The following DLG2 variants were observed in gnomAD, a reference collection of about 807,000 sequenced individuals.
The protein encoded by DLG2 is discs large MAGUK scaffold protein 2, also known as disks large homolog 2.
In DLG2, 45 loss-of-function variants were observed where a neutral mutation model predicts 132.5. That is an observed-to-expected ratio of 0.34 (90% CI 0.27 to 0.44). The LOEUF (loss-of-function observed/expected upper bound fraction) is 0.44, where lower values mean the gene tolerates loss of function less well. Among genes scored for constraint, DLG2 ranks in the 20% least tolerant of loss-of-function variants. DLG2 has a pLI of 1.00. For synonymous variants in DLG2, 424 were observed against 419.6 expected, an observed-to-expected ratio of 1.01 and a Z score of -0.13; for missense variants, 1,045 against 1,196.9, an observed-to-expected ratio of 0.87 and a Z score of 1.87.
intron 6 of DLG2, among the ~76,000 whole-genome samples, chr11:84,596,161 C>G (rs931305078): frequency 2.0e-5 from 3 of 151,852 alleles, no homozygotes; most frequent in Non-Finnish European, 4.4e-5. Context: ...CAGACTTACT[C>G]TGTTGAAATT....
chr11:84,377,171 AGGC>A lies in DLG2; in HGVS notation c.520-125883_520-125881del, dbSNP rs1327103556. On this transcript the variant is annotated intron_variant, in intron 7 of 27. Transcript: ENST00000376104. ...AAGAAGTTGAATCCAAATATAATCC[AGGC>A]TTTATACTTATTTTTTAGTTTATAG... is the stretch of plus-strand genomic sequence containing the variant. 3.9e-5 allele frequency among the ~76,000 whole-genome samples: 6 copies of A among 152,230 alleles called. No homozygotes were observed. In the South Asian group the frequency reaches 8.3e-4, roughly 21 times the overall value.
chr11:84,228,426 C>G (rs1338879331), intron 8 of DLG2, among the ~76,000 whole-genome samples: 2 of 152,180 alleles, frequency 1.3e-5, no homozygotes, highest in African/African-American at 2.4e-5. Context: ...GGGAACAAGA[C>G]TTTAATCAGA....
chr11:85,420,408 G>C (rs1461851631), intron 3 of DLG2, among the ~76,000 whole-genome samples: 7 of 152,236 alleles, frequency 4.6e-5, no homozygotes, highest in Admixed American at 2.0e-4. Context: ...GGAATCTTGG[G>C]GGTCAGGGAC....
intron 9 of DLG2, among the ~76,000 whole-genome samples, chr11:84,159,486 A>T (rs2095499539): frequency 6.6e-6 from 1 of 152,162 alleles, no homozygotes; most frequent in African/African-American, 2.4e-5. Flanking sequence ...TAACATACAT[A>T]TAGGGCTTGA....
At chr11:83,910,694 T>C (rs1306784302) in intron 15 of DLG2, among the ~76,000 whole-genome samples, 1 of 152,088 alleles carries the variant, frequency 6.6e-6, no homozygotes, top group Non-Finnish European at 1.5e-5. Context: ...CTTTAAAAAC[T>C]TAAAAGATTA....
At chr11:84,218,052 C>G (rs1350105797) in intron 8 of DLG2, among the ~76,000 whole-genome samples, 1 of 152,086 alleles carries the variant, frequency 6.6e-6, no homozygotes, top group Non-Finnish European at 1.5e-5. Context: ...CCTGTAATCC[C>G]AGCCATTTGG....
chr11:84,485,503 T>C (rs2099148429), intron 7 of DLG2, among the ~76,000 whole-genome samples: 1 of 152,142 alleles, frequency 6.6e-6, no homozygotes, highest in African/African-American at 2.4e-5. Flanking sequence ...CTTAAATAAG[T>C]AGTCAATATG....
intron 6 of DLG2, among the ~76,000 whole-genome samples, chr11:84,583,240 T>C (rs1409166481): frequency 1.3e-5 from 2 of 152,198 alleles, no homozygotes; most frequent in African/African-American, 4.8e-5. Flanking sequence ...CATGGCAGCA[T>C]ATGAATATAA....
At chr11:84,293,341 GACAAAAGGTCATCACACCCT>G (rs1282815068) in intron 7 of DLG2, among the ~76,000 whole-genome samples, 1 of 151,816 alleles carries the variant, frequency 6.6e-6, no homozygotes, top group African/African-American at 2.4e-5. Context: ...TGAAATATAA[GACAAAAGGTCATCACACCCT>G]ACTTTTCAAT....
At chr11:84,361,050 T>C (rs1013869680) in intron 7 of DLG2, among the ~76,000 whole-genome samples, 2 of 151,820 alleles carry the variant, frequency 1.3e-5, no homozygotes, top group South Asian at 4.2e-4. Context: ...CTCGAAGAAA[T>C]AGTGACGGAA....
intron 8 of DLG2, among the ~76,000 whole-genome samples, chr11:84,241,165 G>A (rs572124302): frequency 6.6e-6 from 1 of 152,290 alleles, no homozygotes; most frequent in East Asian, 1.9e-4. Flanking sequence ...GAAATAGGAT[G>A]GCTTATTATT....
intron 7 of DLG2, among the ~76,000 whole-genome samples, chr11:84,324,764 T>A (rs2098422233): frequency 6.6e-6 from 1 of 152,168 alleles, no homozygotes; most frequent in Admixed American, 6.5e-5. Context: ...CCTCAATATT[T>A]TATTCTTTTT....
rs185384519 is a variant in DLG2 at position 84,215,527 on chromosome 11, T to A, written c.573+35711A>T. Among the ~76,000 whole-genome samples the A allele has an allele frequency of 2.9e-3, 435 of 152,278 alleles. 7 individuals carry two copies. Among genetic ancestry groups the A allele is most frequent in the East Asian group, 0.015 (79 of 5,170 alleles). On this transcript the variant is annotated intron_variant, in intron 8 of 27. Coordinates refer to ENST00000376104, the MANE Select transcript of DLG2 (RefSeq NM_001142699.3). ...GGTCAAGAAGGGGCTTTTTGCTGGT[T>A]CAGCTTAAAGTCCATTGCCTAGAAC...
chr11:85,178,170 A>G (rs1318672862), intron 4 of DLG2, among the ~76,000 whole-genome samples: 1 of 152,070 alleles, frequency 6.6e-6, no homozygotes, highest in African/African-American at 2.4e-5. Context: ...ATTTAGACCA[A>G]TGCTAAATTC....
chr11:84,431,786 A>G (rs546924595), intron 7 of DLG2, among the ~76,000 whole-genome samples: 1 of 152,270 alleles, frequency 6.6e-6, no homozygotes, highest in South Asian at 2.1e-4. Context: ...ATTCTTCACC[A>G]TTATGTCATA....
chr11:84,757,056 A>G (rs558309389), intron 6 of DLG2, among the ~76,000 whole-genome samples: 4 of 152,316 alleles, frequency 2.6e-5, no homozygotes, highest in Middle Eastern at 3.4e-3. Context: ...TGAACTAAGA[A>G]TAATTATGCT....
At chr11:85,240,148 G>A (rs2075805010) in intron 4 of DLG2, among the ~76,000 whole-genome samples, 1 of 151,812 alleles carries the variant, frequency 6.6e-6, no homozygotes, top group African/African-American at 2.4e-5. Context: ...TATAAAAGAA[G>A]TTGAACTTAT....
chr11:84,980,850 G>T (rs541018775), intron 6 of DLG2, among the ~76,000 whole-genome samples: 55 of 152,254 alleles, frequency 3.6e-4, no homozygotes, highest in African/African-American at 1.1e-3. Context: ...AAGTGCTCAT[G>T]TCACTTGGTG....
chr11:83,850,669 TAGAC>T (rs1231959474), intron 16 of DLG2, among the ~76,000 whole-genome samples: 1 of 152,194 alleles, frequency 6.6e-6, no homozygotes, highest in African/African-American at 2.4e-5. Context: ...AAGAGGTTCT[TAGAC>T]AGGGCAAACA....
Sources: gnomAD v4.1 joint callset for allele counts (sites outside exome capture counted in the v4.1 genomes callset) on GRCh38, gnomAD v4.1.1 for gene constraint, MANE v1.5 for transcripts, NCBI Gene and HGNC (gene_info 2026-07-23, HGNC 2026-07-21) for gene names.